DLG2: variants seen among roughly 807,000 people sequenced by gnomAD.
The protein encoded by DLG2 is disks large homolog 2.
A neutral mutation model predicts 132.5 loss-of-function variants in DLG2; 45 were observed. The observed-to-expected ratio is 0.34, with a 90% CI of 0.27 to 0.44. The LOEUF (loss-of-function observed/expected upper bound fraction) is 0.44. Ranked by LOEUF, DLG2 falls within the 20% of genes least tolerant of loss-of-function variation. DLG2 has a pLI of 1.00. For synonymous variants in DLG2, 424 were observed against 419.6 expected (o/e 1.01, Z -0.13); for missense variants, 1,045 against 1,196.9 (o/e 0.87, Z 1.87).
intron 22 of DLG2, 38 bp downstream of exon 22, chr11:83,484,089 CTT>C (rs1565416923): frequency 6.4e-7 from 1 of 1,559,722 alleles, no homozygotes; most frequent in South Asian, 1.1e-5. Flanking sequence ...TTTTTTTTCT[CTT>C]ATGTTGCATG....
chr11:84,859,765 A>G (rs997600155), intron 6 of DLG2, among the ~76,000 whole-genome samples: 1 of 151,806 alleles, frequency 6.6e-6, no homozygotes, highest in Non-Finnish European at 1.5e-5. Flanking sequence ...TCAGCACCAT[A>G]TAATTTAACA....
Position 83,959,562 on chromosome 11 carries a change from G to A in DLG2, c.1340+3323C>T, listed in dbSNP as rs555581471. On this transcript the variant is annotated intron_variant, in intron 14 of 27. Transcript: ENST00000376104. ...ATAATTTACAGAGCCTTCTAAAAAT[G>A]ACAACATTCGTGCATGTTAACATAT... Among the ~76,000 whole-genome samples the A allele has an allele frequency of 3.3e-5, 5 of 152,220 alleles. No individual in the cohort carries two copies. The South Asian group carries it at 1.0e-3, about 32-fold the overall frequency.
intron 18 of DLG2, among the ~76,000 whole-genome samples, chr11:83,678,994 T>C (rs912908778): frequency 2.0e-5 from 3 of 151,944 alleles, no homozygotes; most frequent in African/African-American, 7.3e-5. Context: ...ATTAAACATA[T>C]GAGGAGAGGA....
intron 8 of DLG2, among the ~76,000 whole-genome samples, chr11:84,167,391 T>C (rs2095692863): frequency 6.6e-6 from 1 of 152,176 alleles, no homozygotes; most frequent in African/African-American, 2.4e-5. Context: ...ATGCATTAAA[T>C]ATTTGTTTTT....
Position 83,712,829 on chromosome 11 carries a change from A to C in DLG2, c.1825+73861T>G, listed in dbSNP as rs181513261. Among the ~76,000 whole-genome samples the C allele has an allele frequency of 6.2e-3, 943 of 152,240 alleles. 12 individuals are homozygous for C. The highest frequency in any genetic ancestry group is 0.022 in the African/African-American group (906 of 41,522). On this transcript the variant is annotated intron_variant, in intron 18 of 27. Coordinates refer to ENST00000376104, the MANE Select transcript of DLG2 (RefSeq NM_001142699.3). ...GCTGTCAGTGGGGACAGGGGCACGG[A>C]GAGCATCAGGAAGAATAGCTAATGG...
At chr11:84,230,419 T>C (rs2097075397) in intron 8 of DLG2, among the ~76,000 whole-genome samples, 1 of 152,220 alleles carries the variant, frequency 6.6e-6, no homozygotes, top group Non-Finnish European at 1.5e-5. Context: ...GCTTGCCGCA[T>C]GATATTTGTT....
At chr11:85,464,136 T>A (rs1414728684) in intron 3 of DLG2, among the ~76,000 whole-genome samples, 1 of 151,672 alleles carries the variant, frequency 6.6e-6, no homozygotes, top group Admixed American at 6.6e-5. Flanking sequence ...TATCTGAAAC[T>A]TAAGTTTAGT....
intron 7 of DLG2, among the ~76,000 whole-genome samples, chr11:84,485,317 A>G (rs924641850): frequency 6.6e-6 from 1 of 152,176 alleles, no homozygotes; most frequent in Non-Finnish European, 1.5e-5. Context: ...CAATAATGAG[A>G]CTAAATAACA....
At chr11:85,459,454 C>T (rs1317931781) in intron 3 of DLG2, among the ~76,000 whole-genome samples, 2 of 152,132 alleles carry the variant, frequency 1.3e-5, no homozygotes, top group African/African-American at 4.8e-5. Flanking sequence ...AGGGGCAGAA[C>T]CATTGCTGTG....
At chr11:84,310,951 G>T (rs1051840997) in intron 7 of DLG2, among the ~76,000 whole-genome samples, 5 of 152,196 alleles carry the variant, frequency 3.3e-5, no homozygotes, top group Admixed American at 2.6e-4. Flanking sequence ...GAACACAGTT[G>T]TTCTTGCAGA....
rs374131627 is a variant in DLG2, at chr11:85,224,698, A to C, written c.186+60522T>G. On this transcript the variant is annotated intron_variant, in intron 4 of 27. Coordinates refer to ENST00000376104, the MANE Select transcript of DLG2 (RefSeq NM_001142699.3). ...TTTTTTTGTATTTTCAAAATTGTAT[A>C]ATAAATCAAAATTTCTTTTATGATT... 7.2e-5 allele frequency among the ~76,000 whole-genome samples: 11 copies of C among 152,300 alleles called. No individual in the cohort carries two copies. The East Asian group carries it at 2.1e-3, about 29-fold the overall frequency.
intron 9 of DLG2, among the ~76,000 whole-genome samples, chr11:84,152,157 C>T (rs1383941804): frequency 6.6e-6 from 1 of 151,990 alleles, no homozygotes; most frequent in Non-Finnish European, 1.5e-5. Flanking sequence ...TGAAGTCTCC[C>T]ACTATTATTA....
chr11:84,671,143 G>A (rs1291891203), intron 6 of DLG2, among the ~76,000 whole-genome samples: 7 of 150,046 alleles, frequency 4.7e-5, no homozygotes, highest in Non-Finnish European at 7.4e-5. Context: ...CACCCAGATT[G>A]GAGTGCAGTG....
chr11:84,264,123 T>C (rs1406305168), intron 7 of DLG2, among the ~76,000 whole-genome samples: 1 of 152,148 alleles, frequency 6.6e-6, no homozygotes, highest in East Asian at 1.9e-4. Flanking sequence ...GAGACGTGAA[T>C]GGGGACTAGA....
At chr11:84,121,631 G>A (rs571492860) in intron 9 of DLG2, among the ~76,000 whole-genome samples, 6 of 128,004 alleles carry the variant, frequency 4.7e-5, no homozygotes, top group Admixed American at 1.0e-4. Context: ...GCACGATCTC[G>A]GCTCACTGCA....
At chr11:83,974,088 T>C (rs1395823666) in intron 12 of DLG2, among the ~76,000 whole-genome samples, 1 of 152,038 alleles carries the variant, frequency 6.6e-6, no homozygotes, top group Non-Finnish European at 1.5e-5. Context: ...ATGAAAGCAA[T>C]GTGTTGTTGG....
intron 7 of DLG2, among the ~76,000 whole-genome samples, chr11:84,505,246 G>A (rs774973983): frequency 1.8e-4 from 28 of 152,112 alleles, no homozygotes; most frequent in Non-Finnish European, 3.7e-4. Context: ...AATATAATAA[G>A]TGAAATGTAA....
chr11:84,206,362 A>C (rs2096665250), intron 8 of DLG2, among the ~76,000 whole-genome samples: 1 of 152,122 alleles, frequency 6.6e-6, no homozygotes, highest in African/African-American at 2.4e-5. Flanking sequence ...TCCACAAAAT[A>C]GAGAACAAAG....
intron 6 of DLG2, among the ~76,000 whole-genome samples, chr11:85,089,882 TCA>T (rs1485015759): frequency 1.3e-5 from 2 of 152,112 alleles, no homozygotes; most frequent in African/African-American, 2.4e-5. Context: ...AGATATCAAC[TCA>T]CACCAGTCAG....
Sources: allele counts gnomAD v4.1 joint callset (sites outside exome capture counted in the v4.1 genomes callset), GRCh38; gene constraint gnomAD v4.1.1; transcripts MANE v1.5; gene names NCBI Gene and HGNC (gene_info 2026-07-23, HGNC 2026-07-21).